Variants in RFX3 observed in about 807,000 individuals in gnomAD.
RFX3 encodes the protein transcription factor RFX3.
Under a neutral mutation model 98.6 loss-of-function variants are expected in RFX3, and 14 were observed. The ratio of observed to expected loss-of-function variants is 0.14; its 90% CI spans 0.09 to 0.22. The LOEUF (loss-of-function observed/expected upper bound fraction) is 0.22. Ranked by LOEUF, RFX3 falls within the 10% of genes least tolerant of loss-of-function variation. The pLI, the probability that RFX3 is intolerant of heterozygous loss-of-function variation, is 1.00. For synonymous variants in RFX3, 383 were observed against 328.4 expected (o/e 1.17, Z -1.80); for missense variants, 639 against 926.9 (o/e 0.69, Z 4.03).
chr9:3,286,313 CTA>C (rs1386750991), intron 7 of RFX3, among the ~76,000 whole-genome samples: 2 of 151,704 alleles, frequency 1.3e-5, no homozygotes, highest in Non-Finnish European at 3.0e-5. Flanking sequence ...CTATCCAACT[CTA>C]TGAGGTACTA....
chr9:3,496,885 T>G (rs1218705986), intron 1 of RFX3, among the ~76,000 whole-genome samples: 2 of 152,058 alleles, frequency 1.3e-5, no homozygotes, highest in Non-Finnish European at 1.5e-5. Context: ...TATGTGGAAC[T>G]GGCATACAAC....
chr9:3,388,014 T>C (rs1262757549), intron 2 of RFX3, among the ~76,000 whole-genome samples: 4 of 152,176 alleles, frequency 2.6e-5, no homozygotes, highest in Non-Finnish European at 5.9e-5. Flanking sequence ...TACTCTATTA[T>C]GAATTTAACA....
intron 7 of RFX3, among the ~76,000 whole-genome samples, chr9:3,284,208 T>C (rs897449540): frequency 4.6e-5 from 7 of 151,900 alleles, no homozygotes; most frequent in Non-Finnish European, 7.4e-5. Context: ...CTTTTACTAC[T>C]GGAATTTGGA....
chr9:3,319,057 A>G (rs1830959508), intron 4 of RFX3, among the ~76,000 whole-genome samples: 1 of 152,252 alleles, frequency 6.6e-6, no homozygotes, highest in Admixed American at 6.5e-5. Flanking sequence ...TTAGAATTAA[A>G]TAATAGGATT....
At chr9:3,319,270 T>A (rs763964933) in intron 4 of RFX3, among the ~76,000 whole-genome samples, 1 of 151,218 alleles carries the variant, frequency 6.6e-6, no homozygotes, top group African/African-American at 2.5e-5. Context: ...TCGAAAGTCA[T>A]TGGGGTGAGA....
intron 1 of RFX3, among the ~76,000 whole-genome samples, chr9:3,471,153 C>A (rs894312540): frequency 2.6e-5 from 4 of 152,124 alleles, no homozygotes; most frequent in South Asian, 2.1e-4. Context: ...ATTCTAAAGG[C>A]AAATCTGTCC....
At chr9:3,341,278 T>G (rs1352975965) in intron 3 of RFX3, among the ~76,000 whole-genome samples, 1 of 152,018 alleles carries the variant, frequency 6.6e-6, no homozygotes, top group East Asian at 1.9e-4. Context: ...GGGGGAGGGA[T>G]AGCATTAGGA....
intron 11 of RFX3, 25 bp downstream of exon 11, chr9:3,270,346 C>T: frequency 6.3e-7 from 1 of 1,595,870 alleles, no homozygotes; most frequent in African/African-American, 1.3e-5. Context: ...ACAAAAGCAT[C>T]CGTACTCGTC....
At chr9:3,270,679 G>T in intron 10 of RFX3, 154 bp from the exon 11 acceptor site, 1 of 753,044 alleles carries the variant, frequency 1.3e-6, no homozygotes, top group Non-Finnish European at 2.1e-6. Flanking sequence ...TATACCGAGA[G>T]AGACAGACAG....
intron 4 of RFX3, 43 bp from the exon 5 acceptor site, chr9:3,301,663 G>A (rs374407621): frequency 7.3e-7 from 1 of 1,360,792 alleles, no homozygotes; most frequent in Non-Finnish European, 1.0e-6. Context: ...AGACAAGATA[G>A]TAATAAAAGG....
chr9:3,225,728 C>A (rs937615870), intron 16 of RFX3, among the ~76,000 whole-genome samples: 1 of 152,144 alleles, frequency 6.6e-6, no homozygotes, highest in Non-Finnish European at 1.5e-5. Context: ...TCTATGCTAG[C>A]GTTAATGTAT....
At chr9:3,312,089 C>T (rs1188913414) in intron 4 of RFX3, among the ~76,000 whole-genome samples, 2 of 152,122 alleles carry the variant, frequency 1.3e-5, no homozygotes, top group African/African-American at 2.4e-5. Flanking sequence ...AAAAACCTAA[C>T]TGAATAGAGT....
chr9:3,394,793 A>G, intron 2 of RFX3: 22 of 977,424 alleles, frequency 2.3e-5, no homozygotes, highest in Non-Finnish European at 2.7e-5. Flanking sequence ...ACCACTCTTT[A>G]GAAGAAATCA....
intron 3 of RFX3, among the ~76,000 whole-genome samples, chr9:3,341,148 G>C (rs868006301): frequency 6.6e-6 from 1 of 151,812 alleles, no homozygotes; most frequent in African/African-American, 2.4e-5. Context: ...GCAAACTATC[G>C]CAGGGACAAA....
intron 1 of RFX3, among the ~76,000 whole-genome samples, chr9:3,410,586 G>A (rs1336910783): frequency 6.6e-6 from 1 of 152,158 alleles, no homozygotes; most frequent in Non-Finnish European, 1.5e-5. Context: ...TTTGGGGTGT[G>A]AGATGGAAAC....
chr9:3,285,218 C>T (rs984587812), intron 7 of RFX3, among the ~76,000 whole-genome samples: 1 of 151,748 alleles, frequency 6.6e-6, no homozygotes, highest in Non-Finnish European at 1.5e-5. Flanking sequence ...AATAAACCTT[C>T]AAGTATTCAA....
chr9:3,269,168 A>G (rs896875351), intron 11 of RFX3, among the ~76,000 whole-genome samples: 1 of 151,896 alleles, frequency 6.6e-6, no homozygotes, highest in African/African-American at 2.4e-5. Context: ...AATGTCAGCT[A>G]ATTTTTTTTT....
At chr9:3,496,072 C>CAATAT (rs1178162593) in intron 1 of RFX3, among the ~76,000 whole-genome samples, 2 of 151,992 alleles carry the variant, frequency 1.3e-5, no homozygotes, top group African/African-American at 4.8e-5. Flanking sequence ...TATTCATTTT[C>CAATAT]AGTTCTCTTA....
chr9:3,276,875 C>A (rs1825297428), intron 8 of RFX3, among the ~76,000 whole-genome samples: 7 of 151,878 alleles, frequency 4.6e-5, no homozygotes, highest in Admixed American at 4.6e-4. Flanking sequence ...ACATGTATTC[C>A]ATCTATAAAT....
Sources: gnomAD v4.1 joint callset for allele counts (sites outside exome capture counted in the v4.1 genomes callset) on GRCh38, gnomAD v4.1.1 for gene constraint, MANE v1.5 for transcripts, NCBI Gene and HGNC (gene_info 2026-07-23, HGNC 2026-07-21) for gene names.